Variants in BDH2 observed in about 807,000 individuals in gnomAD.
BDH2 encodes the protein dehydrogenase/reductase SDR family member 6.
BDH2 carries 24 observed loss-of-function variants against 33.2 expected under a neutral mutation model. The observed-to-expected ratio is 0.72, with a 90% confidence interval of 0.52 to 1.02. BDH2 has a LOEUF of 1.02. Among genes scored for constraint, BDH2 ranks in the 50% least tolerant of loss-of-function variants. The pLI is 0.00. For missense variants in BDH2, 249 were observed against 301.6 expected, an observed-to-expected ratio of 0.83 and a Z score of 1.29; for synonymous variants, 81 against 101.6, an observed-to-expected ratio of 0.80 and a Z score of 1.22.
intron 5 of BDH2, among the ~76,000 whole-genome samples, chr4:103,088,309 T>C (rs1415747199): frequency 6.6e-6 from 1 of 152,166 alleles, no homozygotes; most frequent in Non-Finnish European, 1.5e-5. Context: ...TATACCCCAA[T>C]TTAATACATA....
chr4:103,079,649 T>G lies in BDH2; in HGVS notation c.*53A>C. ...TTGGTGAGTTTTCTTCGTAACCAGG[T>G]TCACTGTGGATAGGAAGGGCCTGCC... On this transcript the variant is annotated 3_prime_UTR_variant, in exon 10 of 10. Coordinates refer to ENST00000296424, the MANE Select transcript of BDH2 (RefSeq NM_020139.4). 6.4e-7 allele frequency: 1 copy of G among 1,553,594 alleles called. No homozygotes were observed. Among genetic ancestry groups the G allele is most frequent in the South Asian group, 1.1e-5 (1 of 89,534 alleles).
rs1184957229 is a variant in BDH2 at position 103,085,565 on chromosome 4, CTCCCACAT to C, written c.419-111_419-104del. On this transcript the variant is annotated intron_variant, in intron 6 of 9. Coordinates refer to ENST00000296424, the MANE Select transcript of BDH2 (RefSeq NM_020139.4). ...TTCCCAGTAGCCATTTTCATGCTTTCTCCCACATTCCTCCCCTTTTAAAAAGATTGATA... is the reference window on the plus strand; with the variant it reads ...TTCCCAGTAGCCATTTTCATGCTTTCTCCTCCCCTTTTAAAAAGATTGATA... The C allele has an allele frequency of 5.6e-6, 8 of 1,416,514 alleles. No homozygotes were observed. In the African/African-American group the frequency reaches 7.2e-5, roughly 13 times the overall value. 87.7% of individuals were successfully genotyped at this position (1,416,514 alleles called of 1,614,324 possible). A position where few individuals can be genotyped will look rare whatever the true frequency, so the allele number is the denominator to read the frequency against.
chr4:103,092,591 A>T lies in BDH2; in HGVS notation c.248+9T>A. ...GTAAGGAAAGTGAAACTAAAAAGTT[A>T]TGAATTACCCAGCAACATTAAAGAG... On this transcript the variant is annotated intron_variant, in intron 4 of 9. Coordinates refer to ENST00000296424, the MANE Select transcript of BDH2 (RefSeq NM_020139.4). 6.3e-7 allele frequency: 1 copy of T among 1,582,266 alleles called. No individual in the cohort carries two copies. Among genetic ancestry groups the T allele is most frequent in the Non-Finnish European group, 8.7e-7 (1 of 1,155,830 alleles).
At chr4:103,086,395 T>C in intron 6 of BDH2, 85 bp downstream of exon 6, 4 of 1,462,392 alleles carry the variant, frequency 2.7e-6, no homozygotes, top group Non-Finnish European at 3.6e-6. Context: ...GAAATTATAA[T>C]CTCTGCTATG....
intron 1 of BDH2, among the ~76,000 whole-genome samples, chr4:103,096,707 A>G (rs1283013484): frequency 6.6e-6 from 1 of 151,618 alleles, no homozygotes; most frequent in African/African-American, 2.4e-5. Flanking sequence ...CGCCCAGCCA[A>G]TTTCTGTATT....
intron 4 of BDH2, chr4:103,091,774 T>G (rs1400088692): frequency 4.4e-6 from 2 of 455,552 alleles, no homozygotes; most frequent in African/African-American, 4.0e-5. Context: ...AGAAAAAACA[T>G]CTGCCCTATT....
intron 9 of BDH2, 32 bp downstream of exon 9, chr4:103,082,049 G>T (rs984682230): frequency 2.6e-6 from 4 of 1,563,976 alleles, no homozygotes; most frequent in African/African-American, 2.7e-5. Flanking sequence ...GTGATTGAGG[G>T]TAATGAACTC....
chr4:103,088,415 T>C (rs762811384), intron 5 of BDH2, among the ~76,000 whole-genome samples: 1 of 152,180 alleles, frequency 6.6e-6, no homozygotes, highest in Non-Finnish European at 1.5e-5. Context: ...TAAGAGACAT[T>C]ACATTAGTGC....
chr4:103,086,273 C>T, intron 6 of BDH2: 16 of 1,297,202 alleles, frequency 1.2e-5, no homozygotes, highest in East Asian at 5.9e-5. Context: ...GCAAAAATAC[C>T]CCACATTTTA....
chr4:103,086,382 C>G, intron 6 of BDH2, 98 bp downstream of exon 6: 2 of 1,436,618 alleles, frequency 1.4e-6, no homozygotes, highest in East Asian at 5.0e-5. Flanking sequence ...CATTTCAATA[C>G]TTGAAATTAT....
chr4:103,091,319 G>T lies in BDH2; in HGVS notation c.249-34C>A, dbSNP rs1169827491. 5 of 1,443,654 alleles carry T rather than the reference G, an allele frequency of 3.5e-6. No homozygotes were observed. The East Asian group carries it at 1.1e-4, about 33-fold the overall frequency. The allele number at this position is 1,443,654 out of a possible 1,614,324, so 89.4% of individuals were successfully genotyped here. A position where few individuals can be genotyped will look rare whatever the true frequency, so the allele number is the denominator to read the frequency against. On this transcript the variant is annotated intron_variant, in intron 4 of 9. Coordinates refer to ENST00000296424, the MANE Select transcript of BDH2 (RefSeq NM_020139.4). The stretch of plus-strand genomic sequence containing the variant: ...GTGATTAAACAATGGAAGAATAACT[G>T]CCATTAAAATTTTTCTATTCCATCT...
chr4:103,082,132 G>C lies in BDH2; in HGVS notation c.633C>G (p.Phe211Leu). Residue 211 changes from phenylalanine to leucine, a missense_variant, in exon 9 of 10, where the codon TTC (phenylalanine) becomes TTG (leucine). Transcript: ENST00000296424. ...GCATGGCTATTTCTTCTGCAGTTGC[G>C]AATCTTCCCGTCTTTTGTCTCTTCA... is the stretch of plus-strand genomic sequence containing the variant. ...DFLKRQKTGR[F>L]ATAEEIAMLC... The C allele has an allele frequency of 6.2e-7, 1 of 1,614,134 alleles. No homozygotes were observed. The highest frequency in any genetic ancestry group is 8.5e-7 in the Non-Finnish European group (1 of 1,180,012).
intron 5 of BDH2, among the ~76,000 whole-genome samples, chr4:103,089,480 CTG>C (rs1339916216): frequency 6.6e-6 from 1 of 152,048 alleles, no homozygotes; most frequent in Non-Finnish European, 1.5e-5. Context: ...TTAAACAAAT[CTG>C]TGTTTTTGGC....
Position 103,079,005 on chromosome 4 carries a change from C to T in BDH2, c.*697G>A, listed in dbSNP as rs1747383416. ...GAAATTACTATCTTCTTCCTTAACC[C>T]CCATCTCCCCCACAAAAAAACAAAA... On this transcript the variant is annotated 3_prime_UTR_variant, in exon 10 of 10. Coordinates refer to ENST00000296424, the MANE Select transcript of BDH2 (RefSeq NM_020139.4). Among the ~76,000 whole-genome samples the T allele has an allele frequency of 1.3e-5, 2 of 152,156 alleles. No individual in the cohort carries two copies. Among genetic ancestry groups the T allele is most frequent in the Admixed American group, 1.3e-4 (2 of 15,282 alleles).
intron 7 of BDH2, 28 bp from the exon 8 acceptor site, chr4:103,082,957 G>T: frequency 6.3e-7 from 1 of 1,585,458 alleles, no homozygotes; most frequent in Non-Finnish European, 8.7e-7. Flanking sequence ...ATTCAGCTTG[G>T]TTACTCACTT....
rs1747306661 is a variant in BDH2, at chr4:103,077,786, A to G, written c.*1916T>C. 2.0e-5 allele frequency among the ~76,000 whole-genome samples: 3 copies of G among 152,210 alleles called. No individual in the cohort carries two copies. The highest frequency in any genetic ancestry group is 2.0e-4 in the Admixed American group (3 of 15,286). On this transcript the variant is annotated 3_prime_UTR_variant, in exon 10 of 10. Coordinates refer to ENST00000296424, the MANE Select transcript of BDH2 (RefSeq NM_020139.4). ...GATTATGATACACGAAAAGAAACCC[A>G]AGTCATTTAGCTTAACTCCTTAATT...
chr4:103,087,143 A>C (rs906560335), intron 5 of BDH2, among the ~76,000 whole-genome samples: 1 of 152,200 alleles, frequency 6.6e-6, no homozygotes, highest in African/African-American at 2.4e-5. Flanking sequence ...ATTAGTCAGA[A>C]AAATAAAAGA....
chr4:103,084,519 G>A (rs891215113), intron 7 of BDH2, among the ~76,000 whole-genome samples: 8 of 152,112 alleles, frequency 5.3e-5, no homozygotes, highest in East Asian at 3.8e-4. Context: ...AAGTCCAGTC[G>A]CTGAAACAAC....
chr4:103,077,942 T>G lies in BDH2; in HGVS notation c.*1760A>C, dbSNP rs1747317067. The stretch of plus-strand genomic sequence containing the variant: ...ATAGATAATCTTATAATCAATGGAC[T>G]CTTTCTGAATGCTAGTCAAAATGTC... On this transcript the variant is annotated 3_prime_UTR_variant, in exon 10 of 10. Coordinates refer to ENST00000296424, the MANE Select transcript of BDH2 (RefSeq NM_020139.4). Among the ~76,000 whole-genome samples, 1 of 152,250 alleles carries G rather than the reference T, an allele frequency of 6.6e-6. No homozygotes were observed. Among genetic ancestry groups the G allele is most frequent in the Non-Finnish European group, 1.5e-5 (1 of 68,038 alleles).
Sources: gnomAD v4.1 joint callset for allele counts (sites outside exome capture counted in the v4.1 genomes callset) on GRCh38, gnomAD v4.1.1 for gene constraint, MANE v1.5 for transcripts, NCBI Gene and HGNC (gene_info 2026-07-23, HGNC 2026-07-21) for gene names.